Variants in PHC3 observed in about 807,000 individuals in gnomAD.
The protein encoded by PHC3 is polyhomeotic homolog 3, also known as polyhomeotic-like protein 3.
PHC3 carries 13 observed loss-of-function variants against 107.4 expected under a neutral mutation model. The observed-to-expected ratio is 0.12, with a 90% CI of 0.08 to 0.19. PHC3 has a LOEUF of 0.19. Among genes scored for constraint, PHC3 ranks in the 10% least tolerant of loss-of-function variants. The pLI is 1.00. For missense variants in PHC3, 992 were observed against 1,210.9 expected (o/e 0.82, Z 2.68); for synonymous variants, 456 against 427.4 (o/e 1.07, Z -0.83).
intron 4 of PHC3, among the ~76,000 whole-genome samples, chr3:170,161,653 G>A (rs777262399): frequency 7.9e-5 from 12 of 152,264 alleles, no homozygotes; most frequent in East Asian, 1.9e-4. Context: ...AAGCAGTACC[G>A]TTCCATGGCC....
intron 2 of PHC3, among the ~76,000 whole-genome samples, chr3:170,175,945 C>T (rs1269521414): frequency 1.4e-5 from 2 of 147,502 alleles, no homozygotes; most frequent in Non-Finnish European, 3.0e-5. Flanking sequence ...AAACAAAACC[C>T]GGCCGGGCAC....
intron 9 of PHC3, among the ~76,000 whole-genome samples, chr3:170,119,891 A>C (rs1265117079): frequency 6.6e-6 from 1 of 152,136 alleles, no homozygotes; most frequent in Non-Finnish European, 1.5e-5. Flanking sequence ...AAGAGTAATA[A>C]GTATGAGGTA....
intron 4 of PHC3, among the ~76,000 whole-genome samples, chr3:170,159,251 CAAA>C (rs1278767405): frequency 4.3e-5 from 3 of 69,576 alleles, no homozygotes; most frequent in African/African-American, 1.4e-4. Flanking sequence ...GACTCGGTCT[CAAA>C]AAAAAAAAAA....
At chr3:170,158,876 A>G (rs898512830) in intron 4 of PHC3, among the ~76,000 whole-genome samples, 1 of 151,660 alleles carries the variant, frequency 6.6e-6, no homozygotes, top group Non-Finnish European at 1.5e-5. Flanking sequence ...GCAATAAGCC[A>G]TATTAGCACC....
intron 4 of PHC3, among the ~76,000 whole-genome samples, chr3:170,156,271 T>G (rs74925914): frequency 6.6e-6 from 1 of 152,066 alleles, no homozygotes; most frequent in South Asian, 2.1e-4. Flanking sequence ...TTTTTTTTTT[T>G]CTTGAGACAG....
intron 5 of PHC3, among the ~76,000 whole-genome samples, chr3:170,146,409 C>T (rs62295777): frequency 6.6e-6 from 1 of 150,900 alleles, no homozygotes; most frequent in Non-Finnish European, 1.5e-5. Flanking sequence ...AAGATTCATT[C>T]TAAAAGTAAA....
intron 8 of PHC3, among the ~76,000 whole-genome samples, chr3:170,124,297 TTC>T (rs1720923860): frequency 6.6e-6 from 1 of 152,246 alleles, no homozygotes; most frequent in African/African-American, 2.4e-5. Context: ...TTCATTTCCC[TTC>T]TTTTATCTAT....
intron 14 of PHC3, among the ~76,000 whole-genome samples, chr3:170,099,191 C>T (rs747920617): frequency 7.2e-4 from 109 of 152,130 alleles, no homozygotes; most frequent in Non-Finnish European, 1.3e-3. Context: ...GTAGCACATT[C>T]CTGTTCCTCT....
intron 8 of PHC3, among the ~76,000 whole-genome samples, chr3:170,124,047 A>C (rs1720874115): frequency 6.6e-6 from 1 of 151,944 alleles, no homozygotes; most frequent in Admixed American, 6.6e-5. Context: ...ACAGGGTTTC[A>C]CCAGGTTGGC....
intron 4 of PHC3, among the ~76,000 whole-genome samples, chr3:170,167,529 G>A (rs1170704400): frequency 2.6e-5 from 4 of 152,122 alleles, no homozygotes; most frequent in African/African-American, 9.7e-5. Context: ...GGAGGCCAAG[G>A]CGGGCAGATC....
Position 170,102,879 on chromosome 3 carries a change from C to T in PHC3, c.2524G>A (p.Asp842Asn). ...FALSRWNRKP[D>N]NQSLGHRGRR... is the part of the protein sequence containing the mutation. ...CCACGATGCCCAAGACTTTGATTAT[C>T]AGGCTTACGATTCCAACGACTAAGT... Residue 842 changes from aspartate to asparagine, a missense_variant, in exon 13 of 15, where the codon GAT becomes AAT. Around this residue, in one of 6 missense-constraint regions of PHC3, gnomAD observed 228 missense variants for 288.8 expected, o/e 0.79. Transcript: ENST00000495893. 1.2e-6 allele frequency: 2 copies of T among 1,613,732 alleles called. No individual in the cohort carries two copies. The highest frequency in any genetic ancestry group is 1.7e-6 in the Non-Finnish European group (2 of 1,179,766).
intron 5 of PHC3, 80 bp downstream of exon 5, chr3:170,149,006 C>T: frequency 7.3e-7 from 1 of 1,370,840 alleles, no homozygotes; most frequent in Admixed American, 2.1e-5. Context: ...TTAAAAATAC[C>T]TCTTATTGTA....
intron 5 of PHC3, chr3:170,148,490 T>C (rs983974286): frequency 6.6e-6 from 1 of 152,168 alleles, no homozygotes; most frequent in African/African-American, 2.4e-5. Flanking sequence ...AAATACAGAA[T>C]AACCAAATTA....
At chr3:170,103,523 A>G (rs557607790) in intron 12 of PHC3, among the ~76,000 whole-genome samples, 6 of 152,202 alleles carry the variant, frequency 3.9e-5, no homozygotes, top group South Asian at 2.1e-4. Flanking sequence ...CTCTTTAATG[A>G]AAGATTTTCT....
chr3:170,172,069 T>C (rs1729676239), intron 3 of PHC3, among the ~76,000 whole-genome samples: 1 of 152,182 alleles, frequency 6.6e-6, no homozygotes, highest in African/African-American at 2.4e-5. Context: ...TATCTTTGTA[T>C]AAAAAATTTC....
intron 2 of PHC3, chr3:170,176,968 T>C (rs753962475): frequency 2.3e-6 from 1 of 441,228 alleles, no homozygotes; most frequent in Non-Finnish European, 4.6e-6. Flanking sequence ...TATAATAGAG[T>C]GGAAGGTCCA....
At position 170,106,861 on chromosome 3, in the gene PHC3, T is replaced by C; in HGVS notation, c.2439A>G (p.Lys813=). ...TGGCACATGACATAGTGCAGAATCG[T>C]TTTGACCGCAAAAATTCATTAGCAT... is the stretch of plus-strand genomic sequence containing the variant. ...MGYANEFLRS[K]RFCTMSCAKR... is the part of the protein sequence containing the mutation. The change falls in exon 12 of 15, where the codon AAA becomes AAG. Residue 813 remains lysine (K), a synonymous_variant. Coordinates refer to ENST00000495893, the MANE Select transcript of PHC3 (RefSeq NM_024947.4). 6.2e-7 allele frequency: 1 copy of C among 1,612,238 alleles called. No homozygotes were observed. The highest frequency in any genetic ancestry group is 1.1e-5 in the South Asian group (1 of 90,810).
In PHC3 at chr3:170,090,711, C is replaced by T. The variant is rs970164094; in HGVS notation, c.*6519G>A. ...GAGGTACCTTAAAGATGAATTAAAC[C>T]AAAATCAACTTTTGAGTAGTACAGG... On this transcript the variant is annotated 3_prime_UTR_variant, in exon 15 of 15. Transcript: ENST00000495893. The T allele has an allele frequency of 1.3e-5, 2 of 151,976 alleles. No homozygotes were observed. The highest frequency in any genetic ancestry group is 2.9e-5 in the Non-Finnish European group (2 of 67,986). 9.4% of individuals were successfully genotyped at this position (151,976 alleles called of 1,614,324 possible). A position where few individuals can be genotyped will look rare whatever the true frequency, so the allele number is the denominator to read the frequency against.
chr3:170,100,998 C>T (rs563408053), intron 14 of PHC3, among the ~76,000 whole-genome samples: 2 of 152,278 alleles, frequency 1.3e-5, no homozygotes, highest in South Asian at 4.1e-4. Flanking sequence ...CCCAGGTATC[C>T]ACATAGACTC....
Sources: allele counts gnomAD v4.1 joint callset (sites outside exome capture counted in the v4.1 genomes callset), GRCh38; gene constraint gnomAD v4.1.1; regional missense constraint gnomAD v4.1.1; transcripts MANE v1.5; gene names NCBI Gene and HGNC (gene_info 2026-07-23, HGNC 2026-07-21).